Variants in NUP62CL observed in about 807,000 individuals in gnomAD.
The protein encoded by NUP62CL is nucleoporin-62 C-terminal-like protein.
In NUP62CL, 13 loss-of-function variants were observed where a neutral mutation model predicts 15.3. The ratio of observed to expected loss-of-function variants is 0.85; its 90% CI spans 0.55 to 1.35. The LOEUF is 1.35. NUP62CL is among the 40% of genes most tolerant of loss of function. The pLI is 0.00. For missense variants in NUP62CL, 123 were observed against 130.6 expected (o/e 0.94, Z 0.28); for synonymous variants, 54 against 49.2 (o/e 1.10, Z -0.41).
chrX:107,161,810 T>G lies in NUP62CL; in HGVS notation c.194+5839A>C, dbSNP rs756465811. 5.8e-3 allele frequency among the ~76,000 whole-genome samples: 473 copies of G among 81,565 alleles called. 1 individual carries two copies. Among genetic ancestry groups the G allele is most frequent in the Admixed American group, 8.1e-3 (59 of 7,267 alleles). The allele number at this position is 81,565 out of a possible 115,157, so 70.8% of individuals were successfully genotyped here. On this transcript the variant is annotated intron_variant, in intron 4 of 8. Transcript: ENST00000372466. ...ATAATAATAATAATAGTAATAATAA[T>G]AAAAAAAATTTAAAAAAAATGAAAA...
intron 8 of NUP62CL, among the ~76,000 whole-genome samples, chrX:107,130,405 T>G (rs1925487222): frequency 8.9e-6 from 1 of 112,138 alleles, no homozygotes; most frequent in South Asian, 3.7e-4. Context: ...CCCGATATTA[T>G]CGATTAGATG....
Position 107,147,823 on chromosome X carries a change from T to C in NUP62CL, c.531-14A>G. Reference sequence around the variant, plus strand: ...GATCTGGTGGAGCTAAAAATACATATAAGACTTTTAGATTATGATTATTCT... The same window carrying C: ...GATCTGGTGGAGCTAAAAATACATACAAGACTTTTAGATTATGATTATTCT... On this transcript the variant is annotated splice_polypyrimidine_tract_variant and intron_variant, in intron 7 of 8. Transcript: ENST00000372466. 4 of 1,158,161 alleles carry C rather than the reference T, an allele frequency of 3.5e-6. No homozygotes were observed. The highest frequency in any genetic ancestry group is 4.7e-6 in the Non-Finnish European group (4 of 849,640).
intron 3 of NUP62CL, among the ~76,000 whole-genome samples, chrX:107,172,456 T>G (rs1337199237): frequency 8.9e-6 from 1 of 111,908 alleles, no homozygotes; most frequent in African/African-American, 3.2e-5. Flanking sequence ...CTTCTTACAG[T>G]AAAAACAAAC....
Position 107,184,296 on chromosome X carries a change from GAAGAAAGAAAGAAAGAAAGA to G in NUP62CL, c.-48+8713_-48+8732del, listed in dbSNP as rs55729158. ...AAACCCGCCTCAGCACAAAAAAAGA[GAAGAAAGAAAGAAAGAAAGA>G]AAGAAAGAAAGAAAGAAAGAAAGAA... On this transcript the variant is annotated intron_variant, in intron 2 of 8. Transcript: ENST00000372466. 4.7e-3 allele frequency among the ~76,000 whole-genome samples: 306 copies of G among 65,060 alleles called. 1 individual carries two copies. Among genetic ancestry groups the G allele is most frequent in the South Asian group, 0.021 (22 of 1,031 alleles). The allele number at this position is 65,060 out of a possible 115,157, so 56.5% of individuals were successfully genotyped here.
intron 5 of NUP62CL, 25 bp from the exon 6 acceptor site, chrX:107,153,528 C>G (rs767560290): frequency 4.3e-6 from 4 of 923,647 alleles, no homozygotes; most frequent in Non-Finnish European, 6.0e-6. Flanking sequence ...ATGAATACAA[C>G]AATATAAGTA....
chrX:107,179,423 T>C (rs1482578563), intron 2 of NUP62CL, among the ~76,000 whole-genome samples: 2 of 111,648 alleles, frequency 1.8e-5, no homozygotes, highest in African/African-American at 6.5e-5. Flanking sequence ...CCCAACTCTC[T>C]CCTTTTGGAG....
intron 2 of NUP62CL, among the ~76,000 whole-genome samples, chrX:107,178,352 A>AT (rs1320400648): frequency 3.6e-5 from 4 of 112,123 alleles, no homozygotes; most frequent in Admixed American, 2.8e-4. Context: ...TCTGGAATAA[A>AT]TTTTCAGAAA....
rs181499246 is a variant in NUP62CL at position 107,166,767 on chromosome X, C to G, written c.194+882G>C. Among the ~76,000 whole-genome samples, 19 of 111,324 alleles carry G rather than the reference C, an allele frequency of 1.7e-4. No individual in the cohort carries two copies. The Admixed American group carries it at 1.7e-3, about 10-fold the overall frequency. ...AAAAAGAACAAACTGTTGATGCACA[C>G]GACAACTTGGGTGGATCACAAGGAA... is the stretch of plus-strand genomic sequence containing the variant. On this transcript the variant is annotated intron_variant, in intron 4 of 8. Transcript: ENST00000372466.
At chrX:107,136,932 G>A (rs1437450626) in intron 8 of NUP62CL, among the ~76,000 whole-genome samples, 1 of 111,097 alleles carries the variant, frequency 9.0e-6, no homozygotes, top group Non-Finnish European at 1.9e-5. Flanking sequence ...TGGGTGTGGT[G>A]GCACGTCTGT....
At chrX:107,153,415 G>C in intron 6 of NUP62CL, 39 bp downstream of exon 6, 3 of 1,111,498 alleles carry the variant, frequency 2.7e-6, no homozygotes, top group Non-Finnish European at 3.6e-6. Flanking sequence ...TAAAAAGATA[G>C]GTCTTTAATC....
At chrX:107,162,733 C>T (rs976987431) in intron 4 of NUP62CL, among the ~76,000 whole-genome samples, 1 of 112,103 alleles carries the variant, frequency 8.9e-6, no homozygotes, top group Admixed American at 9.4e-5. Context: ...AAACAGAAGA[C>T]TTGGAACATC....
intron 4 of NUP62CL, among the ~76,000 whole-genome samples, chrX:107,161,368 A>G (rs1926365800): frequency 1.0e-5 from 1 of 97,705 alleles, no homozygotes; most frequent in Non-Finnish European, 2.0e-5. Context: ...AATAGCAAAG[A>G]CTTGGAACCA....
Position 107,167,716 on chromosome X carries a change from T to G in NUP62CL, c.127A>C (p.Thr43Pro). The change falls in exon 4 of 9, where the codon ACT (threonine) becomes CCT (proline). Residue 43 changes from threonine (T) to proline (P), a missense_variant. Thr to Pro is a conservative substitution (Grantham distance 38). Transcript: ENST00000372466. ...NTTTTITSGFTVNQNQLLSRG... is the reference protein window; with the variant it reads ...NTTTTITSGFPVNQNQLLSRG... ...GATAACAGTTGGTTTTGGTTCACAG[T>G]AAAGCCACTGGTGATTGTGGTAGTA... The G allele has an allele frequency of 3.3e-6, 4 of 1,208,340 alleles. No individual in the cohort carries two copies. Among genetic ancestry groups the G allele is most frequent in the Non-Finnish European group, 4.5e-6 (4 of 892,537 alleles).
chrX:107,131,736 TTCTC>T, intron 8 of NUP62CL: 1 of 857,268 alleles, frequency 1.2e-6, no homozygotes, highest in Non-Finnish European at 1.7e-6. Flanking sequence ...GATTCAGACT[TTCTC>T]TCAAATGTGA....
At chrX:107,145,135 C>T (rs1282598903) in intron 8 of NUP62CL, among the ~76,000 whole-genome samples, 1 of 110,828 alleles carries the variant, frequency 9.0e-6, no homozygotes, top group Non-Finnish European at 1.9e-5. Flanking sequence ...AAAATAGTTT[C>T]AAAATTGATA....
intron 8 of NUP62CL, among the ~76,000 whole-genome samples, chrX:107,128,003 T>C (rs1278947858): frequency 2.7e-5 from 3 of 111,926 alleles, no homozygotes; most frequent in African/African-American, 9.7e-5. Flanking sequence ...CTGGAAAGAA[T>C]GCAGAAAAAT....
At chrX:107,183,093 C>T (rs977839261) in intron 2 of NUP62CL, among the ~76,000 whole-genome samples, 4 of 111,318 alleles carry the variant, frequency 3.6e-5, no homozygotes, top group Non-Finnish European at 5.7e-5. Context: ...CTCCAGAGGC[C>T]GAGACGGGAC....
intron 8 of NUP62CL, among the ~76,000 whole-genome samples, chrX:107,133,925 G>A (rs1410555491): frequency 8.9e-6 from 1 of 111,874 alleles, no homozygotes. Flanking sequence ...GCGACAGAGC[G>A]AGACTCCATC....
chrX:107,196,196 C>A (rs911698256), intron 1 of NUP62CL, among the ~76,000 whole-genome samples: 2 of 111,481 alleles, frequency 1.8e-5, no homozygotes, highest in East Asian at 5.6e-4. Flanking sequence ...AGAAATAAAA[C>A]AAAAAAATCA....
Sources: allele counts gnomAD v4.1 joint callset (sites outside exome capture counted in the v4.1 genomes callset), GRCh38; gene constraint gnomAD v4.1.1; transcripts MANE v1.5; gene names NCBI Gene and HGNC (gene_info 2026-07-23, HGNC 2026-07-21).